ATXN2: variants seen among roughly 807,000 people sequenced by gnomAD.
The protein encoded by ATXN2 is ataxin 2.
A neutral mutation model predicts 138.6 loss-of-function variants in ATXN2; 37 were observed. The ratio of observed to expected loss-of-function variants is 0.27; its 90% confidence interval spans 0.21 to 0.35. ATXN2 has a LOEUF of 0.35. Ranked by LOEUF, ATXN2 falls within the 10% of genes least tolerant of loss-of-function variation. ATXN2 has a pLI of 1.00. For synonymous variants in ATXN2, 549 were observed against 543.7 expected, an observed-to-expected ratio of 1.01 and a Z score of -0.13; for missense variants, 1,216 against 1,480.3, an observed-to-expected ratio of 0.82 and a Z score of 2.93.
At chr12:111,541,126 T>G (rs1369506316) in intron 5 of ATXN2, among the ~76,000 whole-genome samples, 2 of 148,158 alleles carry the variant, frequency 1.3e-5, no homozygotes, top group African/African-American at 2.5e-5. Context: ...TCCAGTGTAG[T>G]CTGGGTGTTG....
At chr12:111,521,842 G>C (rs1382523233) in intron 6 of ATXN2, among the ~76,000 whole-genome samples, 1 of 152,178 alleles carries the variant, frequency 6.6e-6, no homozygotes, top group Non-Finnish European at 1.5e-5. Context: ...CAGAGCAGCT[G>C]AGGCTGCATT....
At chr12:111,579,013 G>A (rs1201513919) in intron 1 of ATXN2, among the ~76,000 whole-genome samples, 1 of 152,112 alleles carries the variant, frequency 6.6e-6, no homozygotes, top group South Asian at 2.1e-4. Context: ...ACTCCACCCT[G>A]GGTGACAGAG....
Position 111,551,538 on chromosome 12 carries a change from C to T in ATXN2, c.571+742G>A, listed in dbSNP as rs547475432. Among the ~76,000 whole-genome samples the T allele has an allele frequency of 3.3e-5, 5 of 152,252 alleles. No individual in the cohort carries two copies. The South Asian group carries it at 1.0e-3, about 32-fold the overall frequency. Reference sequence around the variant, plus strand: ...AATACGTATGTTCTACTTCTTCACCCTTTTTCATTTTCATTAGACAATTGT... The same window carrying T: ...AATACGTATGTTCTACTTCTTCACCTTTTTTCATTTTCATTAGACAATTGT... On this transcript the variant is annotated intron_variant, in intron 5 of 24. Transcript: ENST00000673436.
At position 111,554,138 on chromosome 12, in the gene ATXN2, C is replaced by T; in HGVS notation, c.348+20G>A. 1 of 1,443,132 alleles carries T rather than the reference C, an allele frequency of 6.9e-7. No individual in the cohort carries two copies. Among genetic ancestry groups the T allele is most frequent in the South Asian group, 1.3e-5 (1 of 74,098 alleles). The allele number at this position is 1,443,132 out of a possible 1,614,324, so 89.4% of individuals were successfully genotyped here. On this transcript the variant is annotated intron_variant, in intron 3 of 24. Transcript: ENST00000673436. Reference sequence around the variant, plus strand: ...ATTCTACCCCCAAGGCAGTTTATCCCCAATAATCTAATAACTTACAACAAC... The same window carrying T: ...ATTCTACCCCCAAGGCAGTTTATCCTCAATAATCTAATAACTTACAACAAC...
At chr12:111,534,385 G>A (rs1488149899) in intron 5 of ATXN2, among the ~76,000 whole-genome samples, 1 of 152,042 alleles carries the variant, frequency 6.6e-6, no homozygotes, top group Non-Finnish European at 1.5e-5. Context: ...CTCAGTGATA[G>A]AGTGAGACCC....
chr12:111,587,619 A>G (rs1378157893), intron 1 of ATXN2, among the ~76,000 whole-genome samples: 1 of 151,932 alleles, frequency 6.6e-6, no homozygotes, highest in East Asian at 1.9e-4. Flanking sequence ...CCATACCACT[A>G]TACTCCAACC....
intron 5 of ATXN2, among the ~76,000 whole-genome samples, chr12:111,543,465 GCT>G (rs1459130855): frequency 1.3e-5 from 2 of 151,764 alleles, no homozygotes; most frequent in Non-Finnish European, 2.9e-5. Context: ...ATGGAGTCTC[GCT>G]CTGTCACTCA....
At chr12:111,493,428 A>AG (rs1280115423) in intron 14 of ATXN2, among the ~76,000 whole-genome samples, 1 of 151,162 alleles carries the variant, frequency 6.6e-6, no homozygotes, top group East Asian at 1.9e-4. Context: ...CAAAAAAAAA[A>AG]AAAAAAAAAA....
intron 14 of ATXN2, among the ~76,000 whole-genome samples, chr12:111,507,400 C>A (rs1450064740): frequency 1.3e-5 from 2 of 151,746 alleles, no homozygotes; most frequent in African/African-American, 4.8e-5. Flanking sequence ...GCCGCCCCGT[C>A]TGAGAAGTGA....
At position 111,552,248 on chromosome 12, in the gene ATXN2, C is replaced by T. The variant is rs1592893410; in HGVS notation, c.571+32G>A. 2 of 1,553,940 alleles carry T rather than the reference C, an allele frequency of 1.3e-6. No individual in the cohort carries two copies. Among genetic ancestry groups the T allele is most frequent in the East Asian group, 4.7e-5 (2 of 42,788 alleles). Reference sequence around the variant, plus strand: ...TCTTTGCTTGAATAAATCTAATAAACCATGAGGCATATTTAGGAAATCAAA... The same window carrying T: ...TCTTTGCTTGAATAAATCTAATAAATCATGAGGCATATTTAGGAAATCAAA... On this transcript the variant is annotated intron_variant, in intron 5 of 24. Coordinates refer to ENST00000673436, the MANE Select transcript of ATXN2 (RefSeq NM_001372574.1). This position sits in a 1 kb window ranked among gnomAD's most constrained non-coding sequence, Gnocchi z 4.1.
At chr12:111,589,022 A>AAACT (rs1884503570) in intron 1 of ATXN2, among the ~76,000 whole-genome samples, 1 of 144,370 alleles carries the variant, frequency 6.9e-6, no homozygotes, top group South Asian at 2.2e-4. Context: ...AAAAAAAAAA[A>AAACT]AACTAAACCA....
At chr12:111,494,897 A>C (rs1422857859) in intron 14 of ATXN2, among the ~76,000 whole-genome samples, 1 of 152,202 alleles carries the variant, frequency 6.6e-6, no homozygotes, top group Non-Finnish European at 1.5e-5. Flanking sequence ...AGGACTACAA[A>C]ACAACCAGAT....
intron 5 of ATXN2, among the ~76,000 whole-genome samples, chr12:111,529,462 A>G (rs2135752763): frequency 6.6e-6 from 1 of 152,340 alleles, no homozygotes; most frequent in East Asian, 1.9e-4. Context: ...AATTTATAAA[A>G]GCCTCTAGAC....
chr12:111,555,615 G>C (rs539034113), intron 2 of ATXN2, among the ~76,000 whole-genome samples: 4 of 152,104 alleles, frequency 2.6e-5, no homozygotes, highest in Non-Finnish European at 5.9e-5. Flanking sequence ...CAGAGCATGA[G>C]TCAATTAAAC....
At chr12:111,488,996 C>T (rs1205108937) in intron 14 of ATXN2, among the ~76,000 whole-genome samples, 1 of 152,148 alleles carries the variant, frequency 6.6e-6, no homozygotes, top group African/African-American at 2.4e-5. Context: ...ATGTCCTAGC[C>T]TCTAAAGTTC....
chr12:111,598,929 C>T lies in ATXN2; in HGVS notation c.106G>A (p.Val36Ile). The T allele has an allele frequency of 2.6e-6, 4 of 1,511,488 alleles. No individual in the cohort carries two copies. The highest frequency in any genetic ancestry group is 3.5e-6 in the Non-Finnish European group (4 of 1,135,196). 93.6% of individuals were successfully genotyped at this position (1,511,488 alleles called of 1,614,324 possible). Residue 36 changes from valine (V) to isoleucine (I), a missense_variant, in exon 1 of 25, where the codon GTC (valine) becomes ATC (isoleucine). Val to Ile is a conservative substitution (Grantham distance 29). Coordinates refer to ENST00000673436, the MANE Select transcript of ATXN2 (RefSeq NM_001372574.1). This position sits in a 1 kb window ranked among gnomAD's most constrained non-coding sequence, Gnocchi z 4.5. ...AGGCCGCTGCCGCCGGGCTTGCGGA[C>T]ATTGGCAGCCGCGGGCGGCGGCTGC... is the stretch of plus-strand genomic sequence containing the variant. ...QQQPPPAAAN[V>I]RKPGGSGLLA... is the part of the protein sequence containing the mutation.
At position 111,498,897 on chromosome 12, in the gene ATXN2, C is replaced by A. The variant is rs562411383; in HGVS notation, c.1936-10117G>T. Among the ~76,000 whole-genome samples, 3 of 152,206 alleles carry A rather than the reference C, an allele frequency of 2.0e-5. No individual in the cohort carries two copies. In the South Asian group the frequency reaches 6.2e-4, roughly 32 times the overall value. Reference sequence around the variant, plus strand: ...CAGAGAACTCAGAAATGAATCCATACGTCTAAGTGAACTCATTTTCCACAA... The same window carrying A: ...CAGAGAACTCAGAAATGAATCCATAAGTCTAAGTGAACTCATTTTCCACAA... On this transcript the variant is annotated intron_variant, in intron 14 of 24. Coordinates refer to ENST00000673436, the MANE Select transcript of ATXN2 (RefSeq NM_001372574.1).
At chr12:111,593,826 T>A (rs899949742) in intron 1 of ATXN2, among the ~76,000 whole-genome samples, 1 of 152,212 alleles carries the variant, frequency 6.6e-6, no homozygotes, top group African/African-American at 2.4e-5. Flanking sequence ...TTGGTCTAAC[T>A]TCAGAGATGG....
rs551870538 is a variant in ATXN2, at chr12:111,551,302, A to G, written c.571+978T>C. ...CAGAACAAGACTCCGTCTCAAAAAA[A>G]AAAAAAAAAAGAATTTGAGAACCAA... is the stretch of plus-strand genomic sequence containing the variant. On this transcript the variant is annotated intron_variant, in intron 5 of 24. Transcript: ENST00000673436. Among the ~76,000 whole-genome samples, 6 of 152,224 alleles carry G rather than the reference A, an allele frequency of 3.9e-5. No individual in the cohort carries two copies. The South Asian group carries it at 1.0e-3, about 26-fold the overall frequency.
Sources: allele counts gnomAD v4.1 joint callset (sites outside exome capture counted in the v4.1 genomes callset), GRCh38; gene constraint gnomAD v4.1.1; non-coding constraint Gnocchi (gnomAD v3.1); transcripts MANE v1.5; gene names NCBI Gene and HGNC (gene_info 2026-07-23, HGNC 2026-07-21).